Variants in JAZF1 observed in about 807,000 individuals in gnomAD.
JAZF1 encodes the protein juxtaposed with another zinc finger protein 1.
Under a neutral mutation model 26.4 loss-of-function variants are expected in JAZF1, and 8 were observed. That is an observed-to-expected ratio of 0.30 (90% CI 0.18 to 0.55). JAZF1 has a LOEUF of 0.55. Ranked by LOEUF, JAZF1 falls within the 20% of genes least tolerant of loss-of-function variation. The pLI, the probability that JAZF1 is intolerant of heterozygous loss-of-function variation, is 0.94. For missense variants in JAZF1, 199 were observed against 322.0 expected, an observed-to-expected ratio of 0.62 and a Z score of 2.92; for synonymous variants, 126 against 122.3, an observed-to-expected ratio of 1.03 and a Z score of -0.20.
At chr7:27,864,703 A>G (rs1583437250) in intron 3 of JAZF1, among the ~76,000 whole-genome samples, 1 of 152,352 alleles carries the variant, frequency 6.6e-6, no homozygotes. Context: ...TCTTAAAAAA[A>G]AATCCTACAT....
chr7:27,975,640 A>C (rs1002633221), intron 2 of JAZF1, among the ~76,000 whole-genome samples: 2 of 152,182 alleles, frequency 1.3e-5, no homozygotes, highest in African/African-American at 4.8e-5. Context: ...CATAAAAAAG[A>C]AATAGGAAAT....
intron 1 of JAZF1, among the ~76,000 whole-genome samples, chr7:28,054,746 T>C (rs1011676390): frequency 2.0e-5 from 3 of 152,110 alleles, no homozygotes; most frequent in African/African-American, 7.2e-5. Flanking sequence ...GTGCAGACGC[T>C]GGTAGACACA....
chr7:28,126,902 T>C (rs569725824), intron 1 of JAZF1, among the ~76,000 whole-genome samples: 1 of 152,256 alleles, frequency 6.6e-6, no homozygotes, highest in African/African-American at 2.4e-5. Context: ...TTTCCAACCC[T>C]ACCCCACCCC....
chr7:27,924,496 A>G (rs1487419026), intron 2 of JAZF1, among the ~76,000 whole-genome samples: 4 of 152,264 alleles, frequency 2.6e-5, no homozygotes, highest in African/African-American at 2.4e-5. Flanking sequence ...GTTCACTATA[A>G]TAAGAGCATA....
chr7:27,870,844 C>T lies in JAZF1; in HGVS notation c.385+24376G>A, dbSNP rs368308311. 1.8e-4 allele frequency among the ~76,000 whole-genome samples: 27 copies of T among 152,298 alleles called. 1 individual carries two copies. In the East Asian group the frequency reaches 3.3e-3, roughly 19 times the overall value. ...TCATTCTCAGGCATACACCAGCGCA[C>T]GCATCCAGTACTCTGTGATTGTGTC... On this transcript the variant is annotated intron_variant, in intron 3 of 4. Coordinates refer to ENST00000283928, the MANE Select transcript of JAZF1 (RefSeq NM_175061.4).
At chr7:27,876,955 C>T (rs973022644) in intron 3 of JAZF1, among the ~76,000 whole-genome samples, 1 of 152,148 alleles carries the variant, frequency 6.6e-6, no homozygotes. Flanking sequence ...CTAGAGATGA[C>T]TTTATGGGGT....
intron 1 of JAZF1, among the ~76,000 whole-genome samples, chr7:28,008,939 T>A (rs191669830): frequency 6.6e-6 from 1 of 152,232 alleles, no homozygotes; most frequent in Non-Finnish European, 1.5e-5. Flanking sequence ...AAGATACATT[T>A]AAATGATTTT....
chr7:28,157,386 C>T (rs1185150991), intron 1 of JAZF1, among the ~76,000 whole-genome samples: 11 of 152,248 alleles, frequency 7.2e-5, no homozygotes, highest in Non-Finnish European at 1.6e-4. Flanking sequence ...TTATTCAACT[C>T]TGCCATTGCA....
At chr7:28,124,762 G>C (rs1441319217) in intron 1 of JAZF1, among the ~76,000 whole-genome samples, 3 of 152,176 alleles carry the variant, frequency 2.0e-5, no homozygotes, top group African/African-American at 7.2e-5. Context: ...CTGAAATGCT[G>C]TGGAACAGAT....
intron 1 of JAZF1, among the ~76,000 whole-genome samples, chr7:28,168,777 A>T (rs1030485309): frequency 2.6e-5 from 4 of 152,346 alleles, no homozygotes; most frequent in Middle Eastern, 3.4e-3. Context: ...ACTGAAACCC[A>T]AAATGGACAC....
intron 1 of JAZF1, among the ~76,000 whole-genome samples, chr7:28,049,007 TCCTC>T (rs149791475): frequency 2.5e-4 from 31 of 123,584 alleles, no homozygotes; most frequent in African/African-American, 9.8e-4. Flanking sequence ...TTCCCTTCCT[TCCTC>T]CCTCCCTCCC....
chr7:28,000,538 G>C (rs1234286959), intron 1 of JAZF1, among the ~76,000 whole-genome samples: 1 of 151,970 alleles, frequency 6.6e-6, no homozygotes, highest in Non-Finnish European at 1.5e-5. Flanking sequence ...CTGGTGAGGA[G>C]ACAACAAGAG....
chr7:28,143,310 T>C (rs976555734), intron 1 of JAZF1, among the ~76,000 whole-genome samples: 2 of 152,200 alleles, frequency 1.3e-5, no homozygotes, highest in African/African-American at 4.8e-5. Flanking sequence ...TCCAGCAAAT[T>C]TAACTTTGAT....
At chr7:28,135,038 T>C (rs1583578783) in intron 1 of JAZF1, among the ~76,000 whole-genome samples, 1 of 152,218 alleles carries the variant, frequency 6.6e-6, no homozygotes, top group African/African-American at 2.4e-5. Context: ...CTGTTTGCAG[T>C]AGCAATTTCC....
intron 1 of JAZF1, among the ~76,000 whole-genome samples, chr7:27,997,998 G>C (rs1026364518): frequency 6.6e-6 from 1 of 151,058 alleles, no homozygotes; most frequent in Non-Finnish European, 1.5e-5. Flanking sequence ...CAGAAAAAAG[G>C]AAGGGAGGAA....
intron 1 of JAZF1, among the ~76,000 whole-genome samples, chr7:28,102,004 GT>G (rs1784479675): frequency 6.6e-6 from 1 of 152,096 alleles, no homozygotes; most frequent in African/African-American, 2.4e-5. Context: ...GGAATAAATG[GT>G]GCCTCATCAG....
At chr7:27,844,735 C>T (rs189549803) in intron 3 of JAZF1, among the ~76,000 whole-genome samples, 1 of 152,150 alleles carries the variant, frequency 6.6e-6, no homozygotes, top group Non-Finnish European at 1.5e-5. Context: ...AGAATTAATA[C>T]CCCCTTCTCG....
chr7:28,137,469 G>A (rs537651927), intron 1 of JAZF1, among the ~76,000 whole-genome samples: 1 of 152,230 alleles, frequency 6.6e-6, no homozygotes, highest in African/African-American at 2.4e-5. Flanking sequence ...AATCTATTTG[G>A]AACAAGCAAT....
intron 2 of JAZF1, among the ~76,000 whole-genome samples, chr7:27,974,948 G>T (rs974856800): frequency 6.7e-6 from 1 of 150,298 alleles, no homozygotes; most frequent in South Asian, 2.1e-4. Flanking sequence ...GCAGTGGCAC[G>T]ATCTGGGCTC....
Sources: allele counts gnomAD v4.1 joint callset (sites outside exome capture counted in the v4.1 genomes callset), GRCh38; gene constraint gnomAD v4.1.1; transcripts MANE v1.5; gene names NCBI Gene and HGNC (gene_info 2026-07-23, HGNC 2026-07-21).